The following WDR33 variants were observed in gnomAD, a reference collection of about 807,000 sequenced individuals.
WDR33 encodes the protein pre-mRNA 3' end processing protein WDR33.
WDR33 carries 47 observed loss-of-function variants against 164.9 expected under a neutral mutation model. The observed-to-expected ratio is 0.29, with a 90% CI of 0.23 to 0.36. The LOEUF (loss-of-function observed/expected upper bound fraction) is 0.36. Among genes scored for constraint, WDR33 ranks in the 10% least tolerant of loss-of-function variants. WDR33 has a pLI of 1.00. For synonymous variants in WDR33, 505 were observed against 589.0 expected (o/e 0.86, Z 2.06); for missense variants, 1,137 against 1,754.1 (o/e 0.65, Z 6.28).
Position 127,764,513 on chromosome 2 carries a change from C to A in WDR33, c.626+315G>T. Reference sequence around the variant, plus strand: ...TTTATTTGGAATGAAATATTCTTGTCTTACACAGTAGATAATAAAAAGGAA... The same window carrying A: ...TTTATTTGGAATGAAATATTCTTGTATTACACAGTAGATAATAAAAAGGAA... On this transcript the variant is annotated intron_variant, in intron 6 of 21. Transcript: ENST00000322313. The surrounding 1 kb of genome is among the most constrained non-coding windows in gnomAD (Gnocchi z 6.2). 6.6e-7 allele frequency: 1 copy of A among 1,512,832 alleles called. No homozygotes were observed. The highest frequency in any genetic ancestry group is 1.3e-5 in the South Asian group (1 of 75,692). 93.7% of individuals were successfully genotyped at this position (1,512,832 alleles called of 1,614,324 possible).
At chr2:127,808,163 TAAATTC>T (rs2104694691) in intron 1 of WDR33, among the ~76,000 whole-genome samples, 1 of 152,194 alleles carries the variant, frequency 6.6e-6, no homozygotes, top group African/African-American at 2.4e-5. Context: ...TGTCACCAAT[TAAATTC>T]ATCACAGAAA....
At chr2:127,795,328 T>G (rs118016865) in intron 1 of WDR33, among the ~76,000 whole-genome samples, 2,659 of 151,956 alleles carry the variant, frequency 0.017, 150 homozygotes, top group South Asian at 0.17. Context: ...CCAGAACTCC[T>G]GACCTCGTGA....
At chr2:127,765,702 G>C (rs1264275238) in intron 4 of WDR33, among the ~76,000 whole-genome samples, 1 of 151,304 alleles carries the variant, frequency 6.6e-6, no homozygotes, top group Non-Finnish European at 1.5e-5. Context: ...AGAAAGAAAA[G>C]TTACCAGTGT....
At chr2:127,786,738 G>A (rs1053527104) in intron 1 of WDR33, among the ~76,000 whole-genome samples, 4 of 151,286 alleles carry the variant, frequency 2.6e-5, no homozygotes, top group East Asian at 1.9e-4. Context: ...CTATAACCTT[G>A]ATAAACTCAA....
intron 18 of WDR33, among the ~76,000 whole-genome samples, chr2:127,711,780 A>ATATATATATATTTT: frequency 1.1e-5 from 1 of 88,308 alleles, no homozygotes; most frequent in African/African-American, 6.5e-5. Context: ...ATATATATAT[A>ATATATATATATTTT]TTTTTTTTTT....
chr2:127,758,217 C>G (rs1050265454), intron 7 of WDR33, among the ~76,000 whole-genome samples: 1 of 152,062 alleles, frequency 6.6e-6, no homozygotes, highest in African/African-American at 2.4e-5. Context: ...TTTCCTCTAC[C>G]CACACCCTTC....
In WDR33 at chr2:127,722,518, T is replaced by C. The variant is rs1686465102; in HGVS notation, c.1518+73A>G. 1 of 1,562,274 alleles carries C rather than the reference T, an allele frequency of 6.4e-7. No homozygotes were observed. Among genetic ancestry groups the C allele is most frequent in the Non-Finnish European group, 8.6e-7 (1 of 1,157,126 alleles). On this transcript the variant is annotated intron_variant, in intron 14 of 21. Transcript: ENST00000322313. The surrounding 1 kb of genome is among the most constrained non-coding windows in gnomAD (Gnocchi z 5.1). ...TACAGAAACACCTTCAACAGTGAGA[T>C]AATCCAAGAGAAACCTCAAACTAAC...
chr2:127,703,122 C>T lies in WDR33; in HGVS notation c.*3201G>A, dbSNP rs1472470577. The T allele has an allele frequency of 6.0e-6, 1 of 167,040 alleles. No individual in the cohort carries two copies. The highest frequency in any genetic ancestry group is 1.5e-5 in the Non-Finnish European group (1 of 68,120). 10.3% of individuals were successfully genotyped at this position (167,040 alleles called of 1,614,324 possible). ...TGCCAGAAGGTATGAGCCTAACATT[C>T]TGATGAGTCCAGAAAACTACGTTTT... On this transcript the variant is annotated 3_prime_UTR_variant, in exon 22 of 22. Transcript: ENST00000322313.
In WDR33 at chr2:127,726,756, C is replaced by T; in HGVS notation, c.746G>A (p.Cys249Tyr). ...ILRGHGADVK[C>Y]VDWHPTKGLV... Reference sequence around the variant, plus strand: ...CCCTTTGGTTGGATGCCAGTCTACACATTTCACATCAGCACCATGCCCTGT... The same window carrying T: ...CCCTTTGGTTGGATGCCAGTCTACATATTTCACATCAGCACCATGCCCTGT... Residue 249 changes from cysteine to tyrosine, a missense_variant, in exon 8 of 22, where the codon TGT (cysteine) becomes TAT (tyrosine). By Grantham distance (194) the Cys-to-Tyr change is radical. Around this residue, in one of 9 missense-constraint regions of WDR33, gnomAD observed 83 missense variants for 189.2 expected, o/e 0.44. Transcript: ENST00000322313. The surrounding 1 kb of genome is among the most constrained non-coding windows in gnomAD (Gnocchi z 4.8). 1 of 1,614,204 alleles carries T rather than the reference C, an allele frequency of 6.2e-7. No individual in the cohort carries two copies. The highest frequency in any genetic ancestry group is 8.5e-7 in the Non-Finnish European group (1 of 1,180,022).
Position 127,706,203 on chromosome 2 carries a change from G to A in WDR33, c.*120C>T, listed in dbSNP as rs1686004431. The A allele has an allele frequency of 3.3e-6, 3 of 909,844 alleles. No individual in the cohort carries two copies. The highest frequency in any genetic ancestry group is 5.8e-5 in the East Asian group (2 of 34,414). The allele number at this position is 909,844 out of a possible 1,614,324, so 56.4% of individuals were successfully genotyped here. ...CCTCATTGAGGGTTCCTGGGATTCAGGTGCCCAGAAAAGAGTTCAGGGCTA... is the reference window on the plus strand; with the variant it reads ...CCTCATTGAGGGTTCCTGGGATTCAAGTGCCCAGAAAAGAGTTCAGGGCTA... On this transcript the variant is annotated 3_prime_UTR_variant, in exon 22 of 22. Transcript: ENST00000322313. The surrounding 1 kb of genome is among the most constrained non-coding windows in gnomAD (Gnocchi z 5.1).
At chr2:127,798,395 AT>A (rs1329243606) in intron 1 of WDR33, among the ~76,000 whole-genome samples, 1,716 of 141,530 alleles carry the variant, frequency 0.012, 158 homozygotes, top group Middle Eastern at 0.021. Context: ...AAAAAAAAAA[AT>A]GAATTTAAAA....
At position 127,712,904 on chromosome 2, in the gene WDR33, A is replaced by G. The variant is rs1686215023; in HGVS notation, c.3308+679T>C. Among the ~76,000 whole-genome samples, 1 of 152,160 alleles carries G rather than the reference A, an allele frequency of 6.6e-6. No individual in the cohort carries two copies. The highest frequency in any genetic ancestry group is 2.4e-5 in the African/African-American group (1 of 41,432). On this transcript the variant is annotated intron_variant, in intron 18 of 21. Coordinates refer to ENST00000322313, the MANE Select transcript of WDR33 (RefSeq NM_018383.5). The surrounding 1 kb of genome is among the most constrained non-coding windows in gnomAD (Gnocchi z 4.0). ...TGAGTAGCTAGGACTACAGGCATGCACCACCAAACCCAGCTAATTAAAAAA... is the reference window on the plus strand; with the variant it reads ...TGAGTAGCTAGGACTACAGGCATGCGCCACCAAACCCAGCTAATTAAAAAA...
intron 1 of WDR33, among the ~76,000 whole-genome samples, chr2:127,787,411 T>C (rs1266756472): frequency 4.0e-5 from 5 of 125,642 alleles, no homozygotes; most frequent in East Asian, 2.3e-4. Context: ...GCAGAGGGGC[T>C]CCTCACTTCC....
chr2:127,774,295 G>A (rs947495449), intron 1 of WDR33, among the ~76,000 whole-genome samples: 10 of 149,328 alleles, frequency 6.7e-5, no homozygotes, highest in African/African-American at 1.5e-4. Context: ...CGGATGATCC[G>A]CCCGCCTCAG....
At chr2:127,733,015 T>C (rs1463709088) in intron 7 of WDR33, among the ~76,000 whole-genome samples, 2 of 152,204 alleles carry the variant, frequency 1.3e-5, no homozygotes, top group African/African-American at 4.8e-5. Flanking sequence ...TTTGTAATAC[T>C]GCAAGAATAC....
rs570648005 is a variant in WDR33, at chr2:127,726,330, A to G, written c.851+321T>C. On this transcript the variant is annotated intron_variant, in intron 8 of 21. Coordinates refer to ENST00000322313, the MANE Select transcript of WDR33 (RefSeq NM_018383.5). The surrounding 1 kb of genome is among the most constrained non-coding windows in gnomAD (Gnocchi z 4.8). ...TGTCTAGTAAGGGGCACACACGTCA[A>G]CTCCTCACAGTGCCACAAGGTATTC... is the stretch of plus-strand genomic sequence containing the variant. 2.6e-5 allele frequency among the ~76,000 whole-genome samples: 4 copies of G among 152,214 alleles called. No homozygotes were observed. The East Asian group carries it at 7.7e-4, about 29-fold the overall frequency.
chr2:127,766,589 A>T (rs533255505), intron 4 of WDR33, among the ~76,000 whole-genome samples: 5 of 152,174 alleles, frequency 3.3e-5, no homozygotes, highest in African/African-American at 7.2e-5. Context: ...GTAATCCCCA[A>T]ATGAGAACAT....
Position 127,702,052 on chromosome 2 carries a change from C to T in WDR33, c.*4271G>A. 8.2e-7 allele frequency: 1 copy of T among 1,225,278 alleles called. No individual in the cohort carries two copies. The highest frequency in any genetic ancestry group is 3.5e-5 in the East Asian group (1 of 28,676). 75.9% of individuals were successfully genotyped at this position (1,225,278 alleles called of 1,614,324 possible). ...CTGCTCACGGTGCTGGGCGCGGGCG[C>T]GCAGGTGGCCGCGCTGCTGGCCGCG... On this transcript the variant is annotated 3_prime_UTR_variant, in exon 22 of 22. Transcript: ENST00000322313.
chr2:127,723,156 T>C lies in WDR33; in HGVS notation c.1291+97A>G, dbSNP rs1686483068. 7.0e-7 allele frequency: 1 copy of C among 1,429,702 alleles called. No individual in the cohort carries two copies. The highest frequency in any genetic ancestry group is 9.6e-7 in the Non-Finnish European group (1 of 1,044,984). 88.6% of individuals were successfully genotyped at this position (1,429,702 alleles called of 1,614,324 possible). A position where few individuals can be genotyped will look rare whatever the true frequency, so the allele number is the denominator to read the frequency against. On this transcript the variant is annotated intron_variant, in intron 12 of 21. Coordinates refer to ENST00000322313, the MANE Select transcript of WDR33 (RefSeq NM_018383.5). The surrounding 1 kb of genome is among the most constrained non-coding windows in gnomAD (Gnocchi z 5.9). ...TGATGATTTATAAATAAATCTACTA[T>C]AAAATTAAAATTCATTTTGTATAAT...
Sources: allele counts gnomAD v4.1 joint callset (sites outside exome capture counted in the v4.1 genomes callset), GRCh38; gene constraint gnomAD v4.1.1; regional missense constraint gnomAD v4.1.1; non-coding constraint Gnocchi (gnomAD v3.1); transcripts MANE v1.5; gene names NCBI Gene and HGNC (gene_info 2026-07-23, HGNC 2026-07-21).